The following BTBD7 variants were observed in gnomAD, a reference collection of about 807,000 sequenced individuals.
BTBD7 encodes the protein BTB domain containing 7.
BTBD7 carries 38 observed loss-of-function variants against 99.9 expected under a neutral mutation model. That is an observed-to-expected ratio of 0.38 (90% confidence interval 0.29 to 0.50). The LOEUF (loss-of-function observed/expected upper bound fraction) is 0.50, where lower values mean the gene tolerates loss of function less well. Among genes scored for constraint, BTBD7 ranks in the 20% least tolerant of loss-of-function variants. The pLI, the probability that BTBD7 is intolerant of heterozygous loss-of-function variation, is 0.93. For synonymous variants in BTBD7, 520 were observed against 511.4 expected (o/e 1.02, Z -0.23); for missense variants, 1,170 against 1,394.6 (o/e 0.84, Z 2.57).
chr14:93,246,409 A>G, intron 9 of BTBD7, 123 bp from the exon 10 acceptor site: 1 of 1,130,120 alleles, frequency 8.8e-7, no homozygotes, highest in Non-Finnish European at 1.2e-6. Flanking sequence ...AATAAAAAGC[A>G]TAATATATTT....
At chr14:93,271,365 G>C (rs1200941759) in intron 3 of BTBD7, among the ~76,000 whole-genome samples, 2 of 152,170 alleles carry the variant, frequency 1.3e-5, no homozygotes, top group East Asian at 3.8e-4. Flanking sequence ...GGTGGAAAGA[G>C]GAAGGAGGAA....
chr14:93,255,115 T>C (rs942620610), intron 6 of BTBD7, among the ~76,000 whole-genome samples: 4 of 152,120 alleles, frequency 2.6e-5, no homozygotes, highest in African/African-American at 9.7e-5. Context: ...ACAACAGTAA[T>C]GTTGATATAT....
intron 9 of BTBD7, among the ~76,000 whole-genome samples, chr14:93,247,980 G>A (rs1391336394): frequency 6.6e-6 from 1 of 152,216 alleles, no homozygotes; most frequent in African/African-American, 2.4e-5. Context: ...GTGTGTAAGT[G>A]AGGAAGTAGA....
rs754221602 is a variant in BTBD7 at position 93,253,819 on chromosome 14, A to T, written c.1609-29T>A. The stretch of plus-strand genomic sequence containing the variant: ...AAAAAAAATTTTTTTTTTAGATAGA[A>T]ATCTGTGTAGTACTATAATACTACT... On this transcript the variant is annotated intron_variant, in intron 6 of 10. Coordinates refer to ENST00000334746, the MANE Select transcript of BTBD7 (RefSeq NM_001002860.4). 5.6e-6 allele frequency: 8 copies of T among 1,433,658 alleles called. No homozygotes were observed. In the South Asian group the frequency reaches 9.3e-5, roughly 17 times the overall value. The allele number at this position is 1,433,658 out of a possible 1,614,324, so 88.8% of individuals were successfully genotyped here.
At chr14:93,305,549 T>C (rs2139792793) in intron 1 of BTBD7, among the ~76,000 whole-genome samples, 1 of 152,362 alleles carries the variant, frequency 6.6e-6, no homozygotes, top group South Asian at 2.1e-4. Flanking sequence ...CTTATAACTA[T>C]GGTAATTTTT....
intron 8 of BTBD7, among the ~76,000 whole-genome samples, chr14:93,249,174 G>GA (rs1238865198): frequency 6.7e-6 from 1 of 149,866 alleles, no homozygotes; most frequent in Non-Finnish European, 1.5e-5. Flanking sequence ...TGAGGGACTG[G>GA]AAGGGGCACC....
At chr14:93,299,056 T>C (rs1266953304) in intron 1 of BTBD7, among the ~76,000 whole-genome samples, 1 of 152,160 alleles carries the variant, frequency 6.6e-6, no homozygotes, top group Non-Finnish European at 1.5e-5. Context: ...GACATTCATA[T>C]ATCCTACTGG....
intron 1 of BTBD7, among the ~76,000 whole-genome samples, chr14:93,330,151 A>C (rs2053385410): frequency 1.3e-5 from 2 of 152,164 alleles, no homozygotes; most frequent in African/African-American, 4.8e-5. Context: ...TTACCACATT[A>C]ATCCCTGGCC....
chr14:93,295,884 C>T, intron 2 of BTBD7, 86 bp downstream of exon 2: 1 of 1,254,870 alleles, frequency 8.0e-7, no homozygotes, highest in South Asian at 1.3e-5. Context: ...CTACAGCTCA[C>T]TTCTTTTGTC....
intron 3 of BTBD7, among the ~76,000 whole-genome samples, chr14:93,292,004 T>C (rs1188739360): frequency 1.3e-5 from 2 of 152,118 alleles, no homozygotes; most frequent in Non-Finnish European, 2.9e-5. Context: ...CTGGCCAACA[T>C]GGTAAAACCC....
At position 93,265,147 on chromosome 14, in the gene BTBD7, A is replaced by G. The variant is rs112170568; in HGVS notation, c.1163-1154T>C. On this transcript the variant is annotated intron_variant, in intron 3 of 10. Coordinates refer to ENST00000334746, the MANE Select transcript of BTBD7 (RefSeq NM_001002860.4). ...ACACTACCAAACTATGGCTACACAG[A>G]AAGGGCGTAAATAAACTCCAGAGAC... 8.3e-3 allele frequency among the ~76,000 whole-genome samples: 1,258 copies of G among 152,316 alleles called. 19 individuals carry two copies. The highest frequency in any genetic ancestry group is 0.029 in the African/African-American group (1,203 of 41,564).
chr14:93,262,797 AATAC>A (rs2052504298), intron 4 of BTBD7, among the ~76,000 whole-genome samples: 1 of 145,282 alleles, frequency 6.9e-6, no homozygotes. Flanking sequence ...TTTTTTTTTT[AATAC>A]TTTCTAAGAA....
In BTBD7 at chr14:93,245,961, T is replaced by C; in HGVS notation, c.2447A>G (p.Tyr816Cys). 6.2e-7 allele frequency: 1 copy of C among 1,614,088 alleles called. No homozygotes were observed. Among genetic ancestry groups the C allele is most frequent in the Non-Finnish European group, 8.5e-7 (1 of 1,180,012 alleles). The change falls in exon 10 of 11, where the codon TAC becomes TGC. Residue 816 changes from tyrosine to cysteine, a missense_variant. Tyr to Cys is a radical substitution (Grantham distance 194, BLOSUM62 -2). Transcript: ENST00000334746. ...TAPKAGPPPVYLPSVKAAPPD... is the reference protein window; with the variant it reads ...TAPKAGPPPVCLPSVKAAPPD... ...CGGTGCAGCTTTCACACTCGGCAAG[T>C]AGACTGGGGGAGGGCCAGCTTTAGG...
rs200288300 is a variant in BTBD7 at position 93,251,584 on chromosome 14, A to G, written c.1821T>C (p.Asn607=). 3.5e-5 allele frequency: 56 copies of G among 1,613,852 alleles called. No individual in the cohort carries two copies. The highest frequency in any genetic ancestry group is 4.2e-5 in the Non-Finnish European group (50 of 1,179,882). ...TGACCATGTAGAGCGTGTCTGGCAC[A>G]TTGGACATTCTAACCATTCGCAAGC... ...LVRLRMVRMS[N]VPDTLYMVNN... Residue 607 remains asparagine, a synonymous_variant, in exon 8 of 11, where the codon AAT becomes AAC. Transcript: ENST00000334746.
At chr14:93,278,520 G>C (rs1457707061) in intron 3 of BTBD7, among the ~76,000 whole-genome samples, 1 of 152,144 alleles carries the variant, frequency 6.6e-6, no homozygotes, top group Non-Finnish European at 1.5e-5. Flanking sequence ...TCTCCTCAGA[G>C]ATCATATTCC....
At chr14:93,296,430 T>C (rs1444780867) in intron 1 of BTBD7, among the ~76,000 whole-genome samples, 2 of 152,200 alleles carry the variant, frequency 1.3e-5, no homozygotes, top group African/African-American at 4.8e-5. Context: ...GGAAGAGTAT[T>C]TGAAAACACA....
chr14:93,299,594 A>G (rs1183053169), intron 1 of BTBD7, among the ~76,000 whole-genome samples: 1 of 150,058 alleles, frequency 6.7e-6, no homozygotes, highest in Admixed American at 6.7e-5. Context: ...CATATGATCA[A>G]TCCCAATCAG....
chr14:93,297,156 C>G (rs1284257067), intron 1 of BTBD7, among the ~76,000 whole-genome samples: 2 of 152,134 alleles, frequency 1.3e-5, no homozygotes, highest in Non-Finnish European at 2.9e-5. Context: ...TAGTGAAAAA[C>G]ACGTACACAA....
At chr14:93,331,880 C>CCCG in intron 1 of BTBD7, among the ~76,000 whole-genome samples, 1 of 75,058 alleles carries the variant, frequency 1.3e-5, no homozygotes, top group East Asian at 4.2e-4. Flanking sequence ...GACTCCGTCT[C>CCCG]CCCCCCCCCA....
Sources: gnomAD v4.1 joint callset for allele counts (sites outside exome capture counted in the v4.1 genomes callset) on GRCh38, gnomAD v4.1.1 for gene constraint, MANE v1.5 for transcripts, NCBI Gene and HGNC (gene_info 2026-07-23, HGNC 2026-07-21) for gene names.